The following SMOC1 variants were observed in gnomAD, a reference collection of about 807,000 sequenced individuals.
The protein encoded by SMOC1 is SPARC-related modular calcium-binding protein 1.
SMOC1 carries 22 observed loss-of-function variants against 56.3 expected under a neutral mutation model. The ratio of observed to expected loss-of-function variants is 0.39; its 90% CI spans 0.28 to 0.56. The LOEUF (loss-of-function observed/expected upper bound fraction) is 0.56, where lower values mean the gene tolerates loss of function less well. SMOC1 is among the 20% of genes least tolerant of loss of function. SMOC1 has a pLI of 0.61. For synonymous variants in SMOC1, 193 were observed against 215.0 expected (o/e 0.90, Z 0.89); for missense variants, 509 against 565.4 (o/e 0.90, Z 1.01).
At chr14:69,950,791 A>G (rs1164826961) in intron 1 of SMOC1, among the ~76,000 whole-genome samples, 3 of 152,224 alleles carry the variant, frequency 2.0e-5, no homozygotes, top group Middle Eastern at 6.3e-3. Context: ...GTTCCCTGAT[A>G]TAGGGGTTCA....
At chr14:70,011,075 A>G (rs1179469893) in intron 8 of SMOC1, 129 bp downstream of exon 8, 1 of 1,045,464 alleles carries the variant, frequency 9.6e-7, no homozygotes. Context: ...TTCAATGAGT[A>G]GAAGAGTTTC....
intron 1 of SMOC1, among the ~76,000 whole-genome samples, chr14:69,919,489 A>G (rs909468803): frequency 1.3e-5 from 2 of 152,236 alleles, no homozygotes; most frequent in South Asian, 2.1e-4. Flanking sequence ...AATATTTACC[A>G]AGACCTAGAA....
At chr14:70,003,932 G>A (rs1885062169) in intron 7 of SMOC1, among the ~76,000 whole-genome samples, 1 of 152,188 alleles carries the variant, frequency 6.6e-6, no homozygotes, top group Admixed American at 6.5e-5. Context: ...TATCCTGGGT[G>A]ATAACCTGGG....
intron 3 of SMOC1, among the ~76,000 whole-genome samples, chr14:69,970,430 G>C (rs1883719258): frequency 6.6e-6 from 1 of 152,122 alleles, no homozygotes; most frequent in African/African-American, 2.4e-5. Flanking sequence ...CATCAGTTCT[G>C]AAATTTTATG....
chr14:69,961,224 A>G (rs1337141804), intron 3 of SMOC1, among the ~76,000 whole-genome samples: 1 of 141,192 alleles, frequency 7.1e-6, no homozygotes, highest in African/African-American at 2.7e-5. Context: ...TTGTTGTAGC[A>G]TGAATCAGTA....
chr14:70,011,641 CTGTCTCCTCTT>C, intron 9 of SMOC1, 74 bp downstream of exon 9: 1 of 1,368,086 alleles, frequency 7.3e-7, no homozygotes, highest in Non-Finnish European at 1.0e-6. Flanking sequence ...GCAGAAGAAG[CTGTCTCCTCTT>C]TGTCTGTTTC....
chr14:70,027,986 G>A lies in SMOC1; in HGVS notation c.1292-2256G>A, dbSNP rs573375275. ...ATGCGTCGGTCATCCATCCCGTGTC[G>A]TGCGGTGCCCCCTGGTGGGCTGCGA... On this transcript the variant is annotated intron_variant, in intron 11 of 11. Coordinates refer to ENST00000361956, the MANE Select transcript of SMOC1 (RefSeq NM_001034852.3). 7.9e-5 allele frequency among the ~76,000 whole-genome samples: 12 copies of A among 152,276 alleles called. No individual in the cohort carries two copies. In the Middle Eastern group the frequency reaches 0.01, roughly 129 times the overall value.
intron 1 of SMOC1, among the ~76,000 whole-genome samples, chr14:69,923,082 C>G (rs1261471374): frequency 6.6e-6 from 1 of 151,990 alleles, no homozygotes; most frequent in Non-Finnish European, 1.5e-5. Context: ...GTAGCTGGGA[C>G]TACAGGCACC....
At chr14:69,941,832 A>G (rs1418617184) in intron 1 of SMOC1, among the ~76,000 whole-genome samples, 1 of 151,964 alleles carries the variant, frequency 6.6e-6, no homozygotes, top group Non-Finnish European at 1.5e-5. Context: ...ATCCCTTCCT[A>G]CTTGTGAAAA....
At chr14:69,929,691 A>G (rs1223368319) in intron 1 of SMOC1, among the ~76,000 whole-genome samples, 1 of 152,116 alleles carries the variant, frequency 6.6e-6, no homozygotes, top group Admixed American at 6.5e-5. Flanking sequence ...GCCCCTGGAG[A>G]AGAAGGGAGG....
chr14:69,886,242 A>T, intron 1 of SMOC1: 1 of 647,440 alleles, frequency 1.5e-6, no homozygotes, highest in Non-Finnish European at 2.7e-6. Flanking sequence ...TCTTAATATC[A>T]GGCCAGCATC....
intron 11 of SMOC1, among the ~76,000 whole-genome samples, chr14:70,030,032 A>G (rs1161509485): frequency 6.6e-6 from 1 of 152,178 alleles, no homozygotes; most frequent in African/African-American, 2.4e-5. Context: ...TCATAGTGGC[A>G]AAGGACAGGC....
intron 1 of SMOC1, among the ~76,000 whole-genome samples, chr14:69,919,316 C>T (rs1364329804): frequency 6.6e-6 from 1 of 152,166 alleles, no homozygotes; most frequent in Admixed American, 6.5e-5. Flanking sequence ...TCTCACAGCC[C>T]CTTTCCCTCG....
At position 69,962,267 on chromosome 14, in the gene SMOC1, A is replaced by G. The variant is rs187993189; in HGVS notation, c.378+8735A>G. 7.2e-4 allele frequency among the ~76,000 whole-genome samples: 109 copies of G among 151,888 alleles called. 1 individual carries two copies. The highest frequency in any genetic ancestry group is 2.5e-3 in the African/African-American group (102 of 41,434). On this transcript the variant is annotated intron_variant, in intron 3 of 11. Coordinates refer to ENST00000361956, the MANE Select transcript of SMOC1 (RefSeq NM_001034852.3). ...AACCTCTGCCTCCTGCATTAAGGTG[A>G]TTCTCCTGACTCAGCCTCTGGAATT...
At chr14:70,007,725 A>G (rs55863503) in intron 7 of SMOC1, among the ~76,000 whole-genome samples, 7,215 of 152,318 alleles carry the variant, frequency 0.047, 549 homozygotes, top group African/African-American at 0.16. Context: ...TCCAACGTTC[A>G]GCTTCCTTGT....
Position 69,885,791 on chromosome 14 carries a change from C to T in SMOC1, c.99+6014C>T, listed in dbSNP as rs182283641. ...TTTGCCAGCAGCTTTCTTCTCGGCC[C>T]GGGCCAACAGTCTCTGCTTCTTCTC... On this transcript the variant is annotated intron_variant, in intron 1 of 11. Coordinates refer to ENST00000361956, the MANE Select transcript of SMOC1 (RefSeq NM_001034852.3). 4.1e-5 allele frequency: 65 copies of T among 1,580,644 alleles called. 1 individual carries two copies. Among genetic ancestry groups the T allele is most frequent in the South Asian group, 3.9e-4 (35 of 90,308 alleles).
At chr14:69,959,974 G>C (rs1276822388) in intron 3 of SMOC1, among the ~76,000 whole-genome samples, 1 of 152,106 alleles carries the variant, frequency 6.6e-6, no homozygotes, top group African/African-American at 2.4e-5. Context: ...GTATAGAAAC[G>C]CATCTTCCTG....
chr14:69,955,991 G>A (rs2139448475), intron 3 of SMOC1, among the ~76,000 whole-genome samples: 1 of 152,234 alleles, frequency 6.6e-6, no homozygotes, highest in East Asian at 1.9e-4. Context: ...GCTGACCCCT[G>A]CCCTCCTGAT....
At chr14:70,010,305 G>A (rs17107610) in intron 7 of SMOC1, among the ~76,000 whole-genome samples, 3 of 151,942 alleles carry the variant, frequency 2.0e-5, no homozygotes, top group South Asian at 2.1e-4. Flanking sequence ...GTGTCTGGGC[G>A]TGGAAGGGTC....
Sources: gnomAD v4.1 joint callset for allele counts (sites outside exome capture counted in the v4.1 genomes callset) on GRCh38, gnomAD v4.1.1 for gene constraint, MANE v1.5 for transcripts, NCBI Gene and HGNC (gene_info 2026-07-23, HGNC 2026-07-21) for gene names.